Variants in MAP4 observed in about 807,000 individuals in gnomAD.
The protein encoded by MAP4 is microtubule-associated protein 4.
MAP4 carries 76 observed loss-of-function variants against 170.2 expected under a neutral mutation model. The ratio of observed to expected loss-of-function variants is 0.45; its 90% CI spans 0.37 to 0.54. MAP4 has a LOEUF of 0.54. MAP4 is among the 20% of genes least tolerant of loss of function. The pLI is 0.00. For missense variants in MAP4, 2,506 were observed against 2,748.0 expected (o/e 0.91, Z 1.97); for synonymous variants, 909 against 994.5 (o/e 0.91, Z 1.62).
chr3:47,948,224 TC>T (rs2100061383), intron 3 of MAP4, among the ~76,000 whole-genome samples: 1 of 148,634 alleles, frequency 6.7e-6, no homozygotes. Context: ...GTTGACCTAT[TC>T]TTTTTTTTTT....
At chr3:47,905,190 C>G (rs2100032249) in intron 9 of MAP4, among the ~76,000 whole-genome samples, 1 of 152,082 alleles carries the variant, frequency 6.6e-6, no homozygotes, top group African/African-American at 2.4e-5. Flanking sequence ...ACTCGATATG[C>G]AAGACATAAA....
At chr3:47,988,811 T>C (rs1307861060) in intron 2 of MAP4, among the ~76,000 whole-genome samples, 1 of 151,736 alleles carries the variant, frequency 6.6e-6, no homozygotes, top group African/African-American at 2.4e-5. Context: ...GAACAGGGGT[T>C]TATTTTATTT....
chr3:48,056,773 C>A (rs2100132071), intron 1 of MAP4, among the ~76,000 whole-genome samples: 1 of 71,142 alleles, frequency 1.4e-5, no homozygotes, highest in African/African-American at 7.4e-5. Context: ...CGGCCAGCCG[C>A]CCCGTCCGGG....
chr3:47,888,102 TC>T (rs1420205703), intron 10 of MAP4, among the ~76,000 whole-genome samples: 3 of 152,174 alleles, frequency 2.0e-5, no homozygotes, highest in Non-Finnish European at 1.5e-5. Context: ...AATCTGTGTG[TC>T]GAAACTCTGT....
At chr3:48,038,459 C>CTTTTTTTT (rs397989482) in intron 1 of MAP4, among the ~76,000 whole-genome samples, 1 of 121,990 alleles carries the variant, frequency 8.2e-6, no homozygotes, top group African/African-American at 3.1e-5. Context: ...TGCACTGAAA[C>CTTTTTTTT]TTTTTTTTTT....
In MAP4 at chr3:47,855,023, C is replaced by T; in HGVS notation, c.6696+225G>A. 1 of 532,480 alleles carries T rather than the reference C, an allele frequency of 1.9e-6. No homozygotes were observed. Among genetic ancestry groups the T allele is most frequent in the East Asian group, 2.9e-5 (1 of 34,130 alleles). The allele number at this position is 532,480 out of a possible 1,614,324, so 33.0% of individuals were successfully genotyped here. Reference sequence around the variant, plus strand: ...GGCCATGGCTCTCAGGAGCAAGGTTCTGCCTCCAGCTGACAGGTGAGGGGT... The same window carrying T: ...GGCCATGGCTCTCAGGAGCAAGGTTTTGCCTCCAGCTGACAGGTGAGGGGT... On this transcript the variant is annotated intron_variant, in intron 19 of 20. Transcript: ENST00000683076. This position sits in a 1 kb window ranked among gnomAD's most constrained non-coding sequence, Gnocchi z 5.1.
rs992911224 is a variant in MAP4 at position 47,963,523 on chromosome 3, A to G, written c.292+14342T>C. ...CAAAATTTAAACAAATTCATGACAG[A>G]TAACATATTTCCAGAAAGATGCGTA... On this transcript the variant is annotated intron_variant, in intron 3 of 20. Transcript: ENST00000683076. 5.9e-5 allele frequency among the ~76,000 whole-genome samples: 9 copies of G among 152,242 alleles called. No individual in the cohort carries two copies. In the East Asian group the frequency reaches 1.7e-3, roughly 29 times the overall value.
chr3:48,074,508 AC>A (rs2100142674), intron 1 of MAP4, among the ~76,000 whole-genome samples: 1 of 116,276 alleles, frequency 8.6e-6, no homozygotes, highest in East Asian at 2.4e-4. Context: ...ATATACACAC[AC>A]TTTTTTTTTT....
At chr3:47,902,672 T>C (rs1215085628) in intron 10 of MAP4, among the ~76,000 whole-genome samples, 16 of 22,380 alleles carry the variant, frequency 7.1e-4, no homozygotes, top group Non-Finnish European at 1.1e-3. Context: ...AGACTCTGTC[T>C]CAAAAAAAAA....
At chr3:47,859,444 G>A (rs77365809) in intron 17 of MAP4, among the ~76,000 whole-genome samples, 1,760 of 152,250 alleles carry the variant, frequency 0.012, 36 homozygotes, top group African/African-American at 0.04. Flanking sequence ...ACAGCCCAAG[G>A]CCTGGCACAG....
At chr3:47,919,178 G>A (rs971422623) in intron 5 of MAP4, among the ~76,000 whole-genome samples, 6 of 152,026 alleles carry the variant, frequency 3.9e-5, no homozygotes, top group African/African-American at 1.2e-4. Context: ...TGATCCAACC[G>A]CCTCGGCCTC....
chr3:47,932,107 G>A (rs561649134), intron 3 of MAP4, among the ~76,000 whole-genome samples: 3 of 151,984 alleles, frequency 2.0e-5, no homozygotes, highest in Admixed American at 1.3e-4. Context: ...CCTACCCCTC[G>A]GTAACCACTC....
chr3:47,925,518 GTATAGCCA>G (rs2100045314), intron 4 of MAP4, among the ~76,000 whole-genome samples: 1 of 152,044 alleles, frequency 6.6e-6, no homozygotes, highest in African/African-American at 2.4e-5. Context: ...ACAAAATATG[GTATAGCCA>G]TATAATGGAG....
chr3:47,977,350 C>G (rs1300250938), intron 3 of MAP4, among the ~76,000 whole-genome samples: 2 of 152,098 alleles, frequency 1.3e-5, no homozygotes, highest in Non-Finnish European at 2.9e-5. Flanking sequence ...GAAAGAATAT[C>G]AAAACCCTAG....
intron 3 of MAP4, among the ~76,000 whole-genome samples, chr3:47,932,444 AG>A (rs1317562035): frequency 6.6e-6 from 1 of 152,156 alleles, no homozygotes; most frequent in South Asian, 2.1e-4. Flanking sequence ...TATCCCTAGG[AG>A]TAGAACTGCT....
In MAP4 at chr3:47,915,914, G is replaced by C. The variant is rs778885307; in HGVS notation, c.1876+37C>G. On this transcript the variant is annotated intron_variant, in intron 7 of 20. Coordinates refer to ENST00000683076, the MANE Select transcript of MAP4 (RefSeq NM_001385682.1). ...TTAGTCTTCTCGAGACTACAACCTG[G>C]TAGAGAGAAATACTGAGAATAAGCA... 5 of 1,570,410 alleles carry C rather than the reference G, an allele frequency of 3.2e-6. No individual in the cohort carries two copies. In the East Asian group the frequency reaches 1.1e-4, roughly 35 times the overall value.
chr3:48,011,338 G>A (rs2100105142), intron 1 of MAP4, among the ~76,000 whole-genome samples: 1 of 152,058 alleles, frequency 6.6e-6, no homozygotes, highest in East Asian at 1.9e-4. Flanking sequence ...AGACCAGCCT[G>A]GCCAACACAG....
intron 15 of MAP4, among the ~76,000 whole-genome samples, chr3:47,869,659 A>T (rs1406229364): frequency 1.3e-5 from 2 of 152,124 alleles, no homozygotes; most frequent in African/African-American, 4.8e-5. Context: ...TTTTCCAATT[A>T]CAATACCCCC....
chr3:48,011,382 G>A (rs1356616305), intron 1 of MAP4, among the ~76,000 whole-genome samples: 1 of 151,896 alleles, frequency 6.6e-6, no homozygotes, highest in Non-Finnish European at 1.5e-5. Context: ...TACAAAAACA[G>A]AATAACTAGC....
Sources: allele counts gnomAD v4.1 joint callset (sites outside exome capture counted in the v4.1 genomes callset), GRCh38; gene constraint gnomAD v4.1.1; non-coding constraint Gnocchi (gnomAD v3.1); transcripts MANE v1.5; gene names NCBI Gene and HGNC (gene_info 2026-07-23, HGNC 2026-07-21).